CEP290: variants seen among roughly 807,000 people sequenced by gnomAD.
CEP290 encodes centrosomal protein 290, also known as centrosomal protein of 290 kDa.
In CEP290, 317 loss-of-function variants were observed where a neutral mutation model predicts 344.9. That is an observed-to-expected ratio of 0.92 (90% CI 0.84 to 1.01). CEP290 has a LOEUF of 1.01. Ranked by LOEUF, CEP290 falls within the 50% of genes least tolerant of loss-of-function variation. The probability of loss-of-function intolerance (pLI) is 0.00; values close to 1 mark genes in which losing one functional copy is unlikely to be tolerated. For missense variants in CEP290, 2,754 were observed against 2,761.4 expected (o/e 1.00, Z 0.06); for synonymous variants, 932 against 895.8 (o/e 1.04, Z -0.72).
chr12:88,121,787 A>C (rs2039421310), intron 13 of CEP290, among the ~76,000 whole-genome samples: 1 of 152,068 alleles, frequency 6.6e-6, no homozygotes, highest in Admixed American at 6.6e-5. Flanking sequence ...GGGATATTTG[A>C]GCATCTGTCA....
intron 6 of CEP290, among the ~76,000 whole-genome samples, chr12:88,134,148 T>A (rs2040230413): frequency 6.6e-6 from 1 of 152,168 alleles, no homozygotes; most frequent in African/African-American, 2.4e-5. Context: ...AAACTCAACA[T>A]CTACAAAACT....
At chr12:88,050,930 C>T (rs908020890) in intron 52 of CEP290, among the ~76,000 whole-genome samples, 5 of 152,050 alleles carry the variant, frequency 3.3e-5, no homozygotes, top group African/African-American at 9.7e-5. Context: ...AAGACATAGC[C>T]CTGATACTTT....
At chr12:88,066,477 T>C (rs1482609424) in intron 44 of CEP290, among the ~76,000 whole-genome samples, 2 of 151,392 alleles carry the variant, frequency 1.3e-5, no homozygotes, top group Admixed American at 6.6e-5. Context: ...TTGTTTCTTT[T>C]TTTTTTTTTT....
At position 88,129,114 on chromosome 12, in the gene CEP290, T is replaced by TTA. The variant is rs903657248; in HGVS notation, c.853-81_853-80dup. 4 of 659,194 alleles carry TTA rather than the reference T, an allele frequency of 6.1e-6. No homozygotes were observed. The African/African-American group carries it at 7.8e-5, about 13-fold the overall frequency. The allele number at this position is 659,194 out of a possible 1,614,324, so 40.8% of individuals were successfully genotyped here. On this transcript the variant is annotated intron_variant, in intron 10 of 53. Transcript: ENST00000552810. ...ACACCTGTGCATATTTACATATACA[T>TTA]TATATATATAAATATATCTACATAC... is the stretch of plus-strand genomic sequence containing the variant.
intron 50 of CEP290, 49 bp from the exon 51 acceptor site, chr12:88,054,462 G>A: frequency 7.4e-7 from 1 of 1,359,396 alleles, no homozygotes; most frequent in Non-Finnish European, 1.0e-6. Context: ...ATGGAAATAT[G>A]AGGATTTATA....
At position 88,115,134 on chromosome 12, in the gene CEP290, T is replaced by C; in HGVS notation, c.1873A>G (p.Arg625Gly). Residue 625 changes from arginine (R) to glycine (G), a missense_variant, in exon 19 of 54, where the codon AGG becomes GGG. Arg to Gly is a moderately radical substitution (Grantham distance 125). Transcript: ENST00000552810. ...ELIEKERDLERSRTVIAKFQN... is the reference protein window; with the variant it reads ...ELIEKERDLEGSRTVIAKFQN... Reference sequence around the variant, plus strand: ...AATTTGGCTATCACTGTCCTACTCCTTTCTAAATCTCTTTCTTTTTCAATT... The same window carrying C: ...AATTTGGCTATCACTGTCCTACTCCCTTCTAAATCTCTTTCTTTTTCAATT... 6.7e-7 allele frequency: 1 copy of C among 1,495,446 alleles called. No homozygotes were observed. Among genetic ancestry groups the C allele is most frequent in the Non-Finnish European group, 9.1e-7 (1 of 1,093,038 alleles). The allele number at this position is 1,495,446 out of a possible 1,614,324, so 92.6% of individuals were successfully genotyped here.
At chr12:88,069,964 CAG>C (rs1478918773) in intron 43 of CEP290, among the ~76,000 whole-genome samples, 1 of 152,030 alleles carries the variant, frequency 6.6e-6, no homozygotes, top group East Asian at 1.9e-4. Flanking sequence ...ATGAGCGAAA[CAG>C]AAGATTAAAT....
chr12:88,049,157 A>G lies in CEP290; in HGVS notation c.*27T>C. On this transcript the variant is annotated 3_prime_UTR_variant, in exon 54 of 54. Transcript: ENST00000552810. ...TAACTTATAAAGTTAATAAATAGTT[A>G]AATGAAACAAAGTTTATAGGTGACC... The G allele has an allele frequency of 7.3e-7, 1 of 1,365,800 alleles. No individual in the cohort carries two copies. Among genetic ancestry groups the G allele is most frequent in the Non-Finnish European group, 1.0e-6 (1 of 985,936 alleles). 84.6% of individuals were successfully genotyped at this position (1,365,800 alleles called of 1,614,324 possible). A position where few individuals can be genotyped will look rare whatever the true frequency, so the allele number is the denominator to read the frequency against.
chr12:88,107,178 A>G, intron 23 of CEP290, 80 bp from the exon 24 acceptor site: 1 of 886,544 alleles, frequency 1.1e-6, no homozygotes, highest in Non-Finnish European at 1.6e-6. Flanking sequence ...CAGATTATGC[A>G]AATTTAAAGT....
At chr12:88,082,580 G>A (rs1286191053) in intron 37 of CEP290, among the ~76,000 whole-genome samples, 4 of 152,124 alleles carry the variant, frequency 2.6e-5, no homozygotes, top group Admixed American at 6.5e-5. Flanking sequence ...TGTAGTGCCA[G>A]CTACTCTGCA....
Position 88,139,583 on chromosome 12 carries a change from T to C in CEP290, c.181-19A>G. The stretch of plus-strand genomic sequence containing the variant: ...CTTTCATCTAAACATTAAAAAAAGG[T>C]TATTTCAATATGCCTTTATACTGGA... On this transcript the variant is annotated intron_variant, in intron 3 of 53. Transcript: ENST00000552810. 1.3e-6 allele frequency: 2 copies of C among 1,530,384 alleles called. No individual in the cohort carries two copies. Among genetic ancestry groups the C allele is most frequent in the Non-Finnish European group, 1.8e-6 (2 of 1,138,404 alleles). The allele number at this position is 1,530,384 out of a possible 1,614,324, so 94.8% of individuals were successfully genotyped here. A position where few individuals can be genotyped will look rare whatever the true frequency, so the allele number is the denominator to read the frequency against.
Position 88,080,034 on chromosome 12 carries a change from C to T in CEP290, c.5226+148G>A, listed in dbSNP as rs1226416509. The T allele has an allele frequency of 1.0e-5, 6 of 590,132 alleles. No homozygotes were observed. The East Asian group carries it at 1.4e-4, about 14-fold the overall frequency. The allele number at this position is 590,132 out of a possible 1,614,324, so 36.6% of individuals were successfully genotyped here. A position where few individuals can be genotyped will look rare whatever the true frequency, so the allele number is the denominator to read the frequency against. ...CACAAAAACAGCATTGTCTAAAATA[C>T]CTTGTTTAACAGCATAAGATAAAGC... On this transcript the variant is annotated intron_variant, in intron 38 of 53. Coordinates refer to ENST00000552810, the MANE Select transcript of CEP290 (RefSeq NM_025114.4).
intron 41 of CEP290, among the ~76,000 whole-genome samples, chr12:88,073,774 A>G (rs1295792421): frequency 6.6e-6 from 1 of 152,078 alleles, no homozygotes; most frequent in African/African-American, 2.4e-5. Flanking sequence ...TCAAAAAATT[A>G]AAAAAATATG....
At chr12:88,076,344 T>C (rs1401310829) in intron 41 of CEP290, among the ~76,000 whole-genome samples, 3 of 152,186 alleles carry the variant, frequency 2.0e-5, no homozygotes, top group Non-Finnish European at 4.4e-5. Context: ...ACCTATTTTC[T>C]ATTCAATGCC....
chr12:88,141,629 G>A (rs773255895), intron 1 of CEP290, among the ~76,000 whole-genome samples: 2 of 151,978 alleles, frequency 1.3e-5, no homozygotes, highest in Non-Finnish European at 2.9e-5. Flanking sequence ...CACAATGCGC[G>A]CGAACACCCT....
chr12:88,055,537 G>T, intron 50 of CEP290, 39 bp downstream of exon 50: 1 of 1,496,076 alleles, frequency 6.7e-7, no homozygotes, highest in Non-Finnish European at 9.0e-7. Context: ...GCGATATTAT[G>T]CATTATTTTA....
In CEP290 at chr12:88,111,282, T is replaced by G. The variant is rs1234960859; in HGVS notation, c.2287A>C (p.Ile763Leu). ...GGTGCTATCCCATCAGGTAAGTCAA[T>G]TCCTTTAAAAACAACATTTGATCCT... ...SEGSNVVFKGIDLPDGIAPSS... is the reference protein window; with the variant it reads ...SEGSNVVFKGLDLPDGIAPSS... Residue 763 changes from isoleucine (I) to leucine (L), a missense_variant, in exon 22 of 54, where the codon ATT becomes CTT. Coordinates refer to ENST00000552810, the MANE Select transcript of CEP290 (RefSeq NM_025114.4). 2 of 1,556,390 alleles carry G rather than the reference T, an allele frequency of 1.3e-6. No individual in the cohort carries two copies. Among genetic ancestry groups the G allele is most frequent in the African/African-American group, 2.7e-5 (2 of 73,338 alleles).
chr12:88,109,131 T>G lies in CEP290; in HGVS notation c.2418A>C (p.Glu806Asp). 1 of 1,466,580 alleles carries G rather than the reference T, an allele frequency of 6.8e-7. No homozygotes were observed. The highest frequency in any genetic ancestry group is 2.5e-5 in the East Asian group (1 of 40,296). 90.8% of individuals were successfully genotyped at this position (1,466,580 alleles called of 1,614,324 possible). The change falls in exon 23 of 54, where the codon GAA (glutamate) becomes GAC (aspartate). Residue 806 changes from glutamate to aspartate, a missense_variant. Glu to Asp is a conservative substitution (Grantham distance 45). Transcript: ENST00000552810. Reference protein sequence around the residue: ...KKLKNLEDSLEDYNRKFAVIR... With the variant: ...KKLKNLEDSLDDYNRKFAVIR... ...TTACAGCAAATTTTCTGTTGTAATC[T>G]TCAAGAGAATCTTCTAAATTCTTTA...
intron 52 of CEP290, among the ~76,000 whole-genome samples, chr12:88,050,752 ACAACAGAAGAAAAG>A (rs1282747912): frequency 6.6e-6 from 1 of 152,220 alleles, no homozygotes. Context: ...TACTAAAAGT[ACAACAGAAGAAAAG>A]CAGACTGTTG....
Sources: gnomAD v4.1 joint callset for allele counts (sites outside exome capture counted in the v4.1 genomes callset) on GRCh38, gnomAD v4.1.1 for gene constraint, MANE v1.5 for transcripts, NCBI Gene and HGNC (gene_info 2026-07-23, HGNC 2026-07-21) for gene names.